MTAP: variants seen among roughly 807,000 people sequenced by gnomAD.
The protein encoded by MTAP is S-methyl-5'-thioadenosine phosphorylase.
In MTAP, 33 loss-of-function variants were observed where a neutral mutation model predicts 33.6. The ratio of observed to expected loss-of-function variants is 0.98; its 90% CI spans 0.74 to 1.31. The LOEUF (loss-of-function observed/expected upper bound fraction) is 1.31, where lower values mean the gene tolerates loss of function less well. MTAP is among the 40% of genes most tolerant of loss of function. The pLI is 0.00. For missense variants in MTAP, 367 were observed against 360.0 expected (o/e 1.02, Z -0.16); for synonymous variants, 148 against 125.7 (o/e 1.18, Z -1.19).
Position 21,884,987 on chromosome 9 carries a change from G to A in MTAP, c.147+30117G>A, listed in dbSNP as rs146257279. On this transcript the variant is annotated intron_variant, in intron 1 of 1. Coordinates refer to the MTAP transcript ENST00000577563. ...ACTAACCTTTAGAAGGGAGGGAAAG[G>A]GTTATGATAGAGAAAGAATATATGG... Among the ~76,000 whole-genome samples the A allele has an allele frequency of 7.2e-4, 109 of 152,208 alleles. 3 individuals are homozygous for A. The East Asian group carries it at 0.021, about 29-fold the overall frequency.
chr9:21,893,371 G>C (rs553988256), intron 1 of MTAP: 6 of 152,112 alleles, frequency 3.9e-5, no homozygotes, highest in Non-Finnish European at 8.8e-5. Flanking sequence ...CAACCCAAAA[G>C]ATAGAAGGAG....
At chr9:21,939,080 G>A (rs764942009), downstream of MTAP, among the ~76,000 whole-genome samples, 48 of 152,264 alleles carry the variant, frequency 3.2e-4, no homozygotes, top group Non-Finnish European at 4.7e-4. Flanking sequence ...TGCTATTCTC[G>A]TGATAGTGAA....
intron 1 of MTAP, among the ~76,000 whole-genome samples, chr9:21,895,365 GA>G (rs1818273418): frequency 6.6e-6 from 1 of 152,176 alleles, no homozygotes. Flanking sequence ...AAGGTTCCAA[GA>G]TGGCTGAATA....
chr9:21,860,577 T>A (rs1825733982), intron 7 of MTAP: 1 of 152,166 alleles, frequency 6.6e-6, no homozygotes, highest in African/African-American at 2.4e-5. Flanking sequence ...TCATAATATA[T>A]AGAGATGCAG....
intron 4 of MTAP, among the ~76,000 whole-genome samples, chr9:21,827,317 C>G (rs1293629343): frequency 2.6e-5 from 4 of 152,212 alleles, no homozygotes; most frequent in Non-Finnish European, 5.9e-5. Context: ...GCTTACTGTA[C>G]TCACAGCCTG....
chr9:21,831,689 A>G (rs1011268897), intron 4 of MTAP, among the ~76,000 whole-genome samples: 16 of 152,324 alleles, frequency 1.1e-4, no homozygotes, highest in South Asian at 2.1e-4. Flanking sequence ...ACTGTCAGAA[A>G]TATCTCAAGG....
chr9:21,889,814 C>T (rs1170424654), intron 1 of MTAP, among the ~76,000 whole-genome samples: 2 of 152,172 alleles, frequency 1.3e-5, no homozygotes, highest in African/African-American at 2.4e-5. Flanking sequence ...GTGAAGTGGA[C>T]TCTGTGAAGG....
intron 4 of MTAP, among the ~76,000 whole-genome samples, chr9:21,821,217 A>G (rs1167175972): frequency 1.3e-5 from 2 of 152,178 alleles, no homozygotes; most frequent in East Asian, 3.8e-4. Context: ...TTCAAAGGGA[A>G]TGCTTCCAGT....
intron 6 of MTAP, chr9:21,856,007 A>C (rs987516949): frequency 4.8e-6 from 1 of 207,064 alleles, no homozygotes; most frequent in Non-Finnish European, 8.5e-6. Flanking sequence ...TGATCAAATC[A>C]GAATCCCTTA....
rs1825823542 is a variant in MTAP, at chr9:21,864,775, C to T, written c.*2761C>T. On this transcript the variant is annotated 3_prime_UTR_variant, in exon 8 of 8. Coordinates refer to ENST00000644715, the MANE Select transcript of MTAP (RefSeq NM_002451.4). ...GGGAGTGACTAAGGTGACCTCCAACCTGCCCTGAGCCAGCTGCCCTGCAGG... is the reference window on the plus strand; with the variant it reads ...GGGAGTGACTAAGGTGACCTCCAACTTGCCCTGAGCCAGCTGCCCTGCAGG... 2 of 985,332 alleles carry T rather than the reference C, an allele frequency of 2.0e-6. No individual in the cohort carries two copies. The highest frequency in any genetic ancestry group is 6.1e-5 in the Admixed American group (1 of 16,270). The allele number at this position is 985,332 out of a possible 1,614,324, so 61.0% of individuals were successfully genotyped here.
chr9:21,916,615 G>A (rs563114454), intron 1 of MTAP, among the ~76,000 whole-genome samples: 257 of 151,996 alleles, frequency 1.7e-3, no homozygotes, highest in African/African-American at 5.7e-3. Flanking sequence ...CTCAAAAAAA[G>A]GAATGAGACA....
At chr9:21,812,624 G>A (rs954060648) in intron 1 of MTAP, among the ~76,000 whole-genome samples, 1 of 152,200 alleles carries the variant, frequency 6.6e-6, no homozygotes, top group Admixed American at 6.5e-5. Flanking sequence ...GAGGGTGGAT[G>A]AGGTCATTAA....
rs1825822479 is a variant in MTAP, at chr9:21,864,725, G to T, written c.*2711G>T. On this transcript the variant is annotated 3_prime_UTR_variant, in exon 8 of 8. Coordinates refer to ENST00000644715, the MANE Select transcript of MTAP (RefSeq NM_002451.4). The stretch of plus-strand genomic sequence containing the variant: ...CTGGTACGGTGGCACCCTCAGGAGT[G>T]GAGGACAGTGAACTTCCTTGAAGAG... The T allele has an allele frequency of 3.0e-6, 3 of 985,336 alleles. No homozygotes were observed. In the South Asian group the frequency reaches 1.4e-4, roughly 46 times the overall value. The allele number at this position is 985,336 out of a possible 1,614,324, so 61.0% of individuals were successfully genotyped here.
At position 21,830,705 on chromosome 9, in the gene MTAP, G is replaced by A. The variant is rs572316668; in HGVS notation, c.348-7203G>A. Among the ~76,000 whole-genome samples, 23 of 152,294 alleles carry A rather than the reference G, an allele frequency of 1.5e-4. 1 individual carries two copies. Among genetic ancestry groups the A allele is most frequent in the African/African-American group, 5.5e-4 (23 of 41,558 alleles). On this transcript the variant is annotated intron_variant, in intron 4 of 7. Transcript: ENST00000644715. ...TATGTATGCACACCTGGCTCTCACT[G>A]AGTCACTTATGGGAAACTGAAGCAA...
chr9:21,901,597 G>A (rs1046600139), intron 1 of MTAP, among the ~76,000 whole-genome samples: 1 of 152,106 alleles, frequency 6.6e-6, no homozygotes, highest in Non-Finnish European at 1.5e-5. Context: ...CAAAGAAAGG[G>A]AATAAAGGAC....
intron 1 of MTAP, among the ~76,000 whole-genome samples, chr9:21,907,620 A>G (rs935300637): frequency 1.3e-5 from 2 of 152,162 alleles, no homozygotes; most frequent in African/African-American, 4.8e-5. Context: ...TGTTTCACAT[A>G]CTTTCCTTAA....
chr9:21,804,526 T>C (rs1011818718), intron 1 of MTAP, among the ~76,000 whole-genome samples: 1 of 152,206 alleles, frequency 6.6e-6, no homozygotes, highest in Admixed American at 6.5e-5. Flanking sequence ...GAGGTACATA[T>C]GGTGCTAGGA....
At chr9:21,935,367 A>C (rs966276128), downstream of MTAP, 4 of 152,196 alleles carry the variant, frequency 2.6e-5, no homozygotes, top group East Asian at 7.7e-4. Context: ...AATGTGGGAG[A>C]CACGTCTTCA....
At chr9:21,939,022 G>C (rs1587311391), downstream of MTAP, among the ~76,000 whole-genome samples, 2 of 152,302 alleles carry the variant, frequency 1.3e-5, no homozygotes, top group East Asian at 1.9e-4. Context: ...CATGTTGTGG[G>C]AGGGACCCAG....
Sources: gnomAD v4.1 joint callset for allele counts (sites outside exome capture counted in the v4.1 genomes callset) on GRCh38, gnomAD v4.1.1 for gene constraint, MANE v1.5 for transcripts, NCBI Gene and HGNC (gene_info 2026-07-23, HGNC 2026-07-21) for gene names.